Variants in CDC42BPB observed in about 807,000 individuals in gnomAD.
CDC42BPB encodes serine/threonine-protein kinase MRCK beta.
CDC42BPB carries 37 observed loss-of-function variants against 214.9 expected under a neutral mutation model. The ratio of observed to expected loss-of-function variants is 0.17; its 90% CI spans 0.13 to 0.23. The LOEUF is 0.23. Among genes scored for constraint, CDC42BPB ranks in the 10% least tolerant of loss-of-function variants. CDC42BPB has a pLI of 1.00. For synonymous variants in CDC42BPB, 931 were observed against 884.0 expected, an observed-to-expected ratio of 1.05 and a Z score of -0.94; for missense variants, 1,694 against 2,227.0, an observed-to-expected ratio of 0.76 and a Z score of 4.82.
At chr14:102,951,205 A>G (rs1892475307) in intron 24 of CDC42BPB, among the ~76,000 whole-genome samples, 1 of 152,198 alleles carries the variant, frequency 6.6e-6, no homozygotes. Context: ...ACGGCAATTC[A>G]GGCCAGCGGT....
At chr14:102,995,509 C>T (rs1402174188) in intron 5 of CDC42BPB, among the ~76,000 whole-genome samples, 1 of 152,216 alleles carries the variant, frequency 6.6e-6, no homozygotes, top group Non-Finnish European at 1.5e-5. Flanking sequence ...CATTCATGAT[C>T]TCTGCCTTTC....
At chr14:102,958,393 T>G (rs1473547729) in intron 21 of CDC42BPB, among the ~76,000 whole-genome samples, 1 of 152,118 alleles carries the variant, frequency 6.6e-6, no homozygotes, top group Non-Finnish European at 1.5e-5. Flanking sequence ...CATGTACACA[T>G]GCACCCTATT....
At position 103,001,459 on chromosome 14, in the gene CDC42BPB, G is replaced by A. The variant is rs1477602030; in HGVS notation, c.448-1746C>T. Among the ~76,000 whole-genome samples the A allele has an allele frequency of 6.6e-6, 1 of 152,200 alleles. No individual in the cohort carries two copies. The highest frequency in any genetic ancestry group is 1.5e-5 in the Non-Finnish European group (1 of 68,036). Reference sequence around the variant, plus strand: ...AAGCAGAGGCCTGAGGGGAGCCGCGGTCGTGCTCCAGATGAAGGGGTGCGT... The same window carrying A: ...AAGCAGAGGCCTGAGGGGAGCCGCGATCGTGCTCCAGATGAAGGGGTGCGT... On this transcript the variant is annotated intron_variant, in intron 4 of 36. Transcript: ENST00000361246. This position sits in a 1 kb window ranked among gnomAD's most constrained non-coding sequence, Gnocchi z 5.8.
At chr14:102,995,200 G>A (rs975898295) in intron 5 of CDC42BPB, among the ~76,000 whole-genome samples, 15 of 150,112 alleles carry the variant, frequency 1.0e-4, no homozygotes, top group African/African-American at 3.4e-4. Flanking sequence ...TTGAGACAGA[G>A]TATCGCTCTT....
intron 1 of CDC42BPB, among the ~76,000 whole-genome samples, chr14:103,051,421 C>T (rs1270773791): frequency 6.9e-6 from 1 of 145,538 alleles, no homozygotes; most frequent in East Asian, 2.0e-4. Context: ...TTAGTCTCTT[C>T]CAGCTAAAAA....
chr14:102,983,413 T>C (rs1375358982), intron 7 of CDC42BPB, 143 bp downstream of exon 7: 1 of 1,263,922 alleles, frequency 7.9e-7, no homozygotes. Flanking sequence ...CCAATCTGCC[T>C]GTCCCCAGTT....
chr14:103,018,127 C>A (rs1338714410), intron 1 of CDC42BPB, among the ~76,000 whole-genome samples: 1 of 152,192 alleles, frequency 6.6e-6, no homozygotes, highest in Non-Finnish European at 1.5e-5. Flanking sequence ...ACACAGTTCA[C>A]AATAGGGTTC....
In CDC42BPB at chr14:102,970,179, T is replaced by C. The variant is rs1381459338; in HGVS notation, c.1967A>G (p.Gln656Arg). 1 of 1,613,852 alleles carries C rather than the reference T, an allele frequency of 6.2e-7. No homozygotes were observed. The highest frequency in any genetic ancestry group is 1.1e-5 in the South Asian group (1 of 91,002). ...GAGGGCCTCCAGCTCGCTTTCCATTTGCTTGCAGAAGTTCTCGCTGTGCTC... is the reference window on the plus strand; with the variant it reads ...GAGGGCCTCCAGCTCGCTTTCCATTCGCTTGCAGAAGTTCTCGCTGTGCTC... ...LREHSENFCK[Q>R]MESELEALKV... Residue 656 changes from glutamine to arginine, a missense_variant, in exon 14 of 37, where the codon CAA (glutamine) becomes CGA (arginine). Physicochemically the swap from Gln to Arg is conservative, Grantham distance 43. Coordinates refer to ENST00000361246, the MANE Select transcript of CDC42BPB (RefSeq NM_006035.4).
chr14:103,042,337 T>A (rs1461359340), intron 1 of CDC42BPB, among the ~76,000 whole-genome samples: 1 of 150,692 alleles, frequency 6.6e-6, no homozygotes, highest in Non-Finnish European at 1.5e-5. Flanking sequence ...TGAGACGGAG[T>A]CTCACTCTGT....
intron 21 of CDC42BPB, 53 bp from the exon 22 acceptor site, chr14:102,954,741 C>T: frequency 6.4e-7 from 1 of 1,567,338 alleles, no homozygotes; most frequent in South Asian, 1.1e-5. Context: ...TCTACATGAT[C>T]CAGACTCTAC....
rs1892441451 is a variant in CDC42BPB, at chr14:102,950,547, T to C, written c.3228A>G (p.Pro1076=). The change falls in exon 25 of 37, where the codon CCA becomes CCG. Residue 1076 remains proline (P), a synonymous_variant. Coordinates refer to ENST00000361246, the MANE Select transcript of CDC42BPB (RefSeq NM_006035.4). ...SCKDGAPQVC[P]IPPEQSKRPL... ...GCCTCTTGGACTGCTCGGGAGGTAT[T>C]GGGCACACCTGGGGGGCACCGTCTT... is the stretch of plus-strand genomic sequence containing the variant. The C allele has an allele frequency of 6.2e-7, 1 of 1,611,462 alleles. No homozygotes were observed. Among genetic ancestry groups the C allele is most frequent in the Non-Finnish European group, 8.5e-7 (1 of 1,179,028 alleles).
chr14:102,968,888 G>A (rs1434623893), intron 14 of CDC42BPB, 172 bp from the exon 15 acceptor site: 6 of 985,354 alleles, frequency 6.1e-6, no homozygotes, highest in East Asian at 1.1e-4. Context: ...GGTTCTAGGG[G>A]GTCACAGCAG....
intron 1 of CDC42BPB, among the ~76,000 whole-genome samples, chr14:103,056,144 A>C (rs1160866674): frequency 6.6e-6 from 1 of 152,242 alleles, no homozygotes; most frequent in East Asian, 1.9e-4. Context: ...TTAGCTGACC[A>C]ATGATTAAAA....
chr14:103,018,082 T>G (rs752809303), intron 1 of CDC42BPB, among the ~76,000 whole-genome samples: 17 of 152,198 alleles, frequency 1.1e-4, no homozygotes, highest in Non-Finnish European at 2.4e-4. Context: ...GGCACTGGAC[T>G]CTCATAAGCA....
At position 102,937,973 on chromosome 14, in the gene CDC42BPB, C is replaced by T. The variant is rs28521098; in HGVS notation, c.5004+131G>A. 7.2e-3 allele frequency: 6,906 copies of T among 953,190 alleles called. 302 individuals carry two copies. The African/African-American group carries it at 0.097, about 13-fold the overall frequency. The allele number at this position is 953,190 out of a possible 1,614,324, so 59.0% of individuals were successfully genotyped here. On this transcript the variant is annotated intron_variant, in intron 36 of 36. Coordinates refer to ENST00000361246, the MANE Select transcript of CDC42BPB (RefSeq NM_006035.4). Reference sequence around the variant, plus strand: ...GGACAGCCACCCCGACCCCTGCCCCCGTCACCCTCACACCGCAAGTGGGGT... The same window carrying T: ...GGACAGCCACCCCGACCCCTGCCCCTGTCACCCTCACACCGCAAGTGGGGT...
chr14:102,937,978 C>A (rs892937920), intron 36 of CDC42BPB, 126 bp downstream of exon 36: 16 of 994,128 alleles, frequency 1.6e-5, no homozygotes, highest in Non-Finnish European at 2.2e-5. Context: ...GCCCCCGTCA[C>A]CCTCACACCG....
intron 26 of CDC42BPB, among the ~76,000 whole-genome samples, chr14:102,949,355 C>T (rs1280773195): frequency 1.3e-5 from 2 of 152,122 alleles, no homozygotes; most frequent in Non-Finnish European, 1.5e-5. Context: ...ACATGGCCCA[C>T]GGCTCCAGAC....
rs1261983545 is a variant in CDC42BPB at position 102,952,582 on chromosome 14, T to G, written c.3088A>C (p.Ile1030Leu). 6.2e-7 allele frequency: 1 copy of G among 1,613,860 alleles called. No individual in the cohort carries two copies. The highest frequency in any genetic ancestry group is 8.5e-7 in the Non-Finnish European group (1 of 1,179,916). Residue 1030 changes from isoleucine (I) to leucine (L), a missense_variant, in exon 24 of 37, where the codon ATC becomes CTC. By Grantham distance (5) the Ile-to-Leu change is conservative. Around this residue, in one of 7 missense-constraint regions of CDC42BPB, gnomAD observed 567 missense variants for 790.3 expected, o/e 0.72. Coordinates refer to ENST00000361246, the MANE Select transcript of CDC42BPB (RefSeq NM_006035.4). Reference sequence around the variant, plus strand: ...TGAGTAGGGCTGGAGAAGGACTTGATGCTGAACTGGTGAGCTTTTGGCTGG... The same window carrying G: ...TGAGTAGGGCTGGAGAAGGACTTGAGGCTGAACTGGTGAGCTTTTGGCTGG... ...GPKPKAHQFSIKSFSSPTQCS... is the reference protein window; with the variant it reads ...GPKPKAHQFSLKSFSSPTQCS...
chr14:103,020,656 T>C (rs1886720345), intron 1 of CDC42BPB, among the ~76,000 whole-genome samples: 1 of 152,114 alleles, frequency 6.6e-6, no homozygotes, highest in African/African-American at 2.4e-5. Flanking sequence ...ACGGGGCACA[T>C]GCTGAACCCC....
Sources: gnomAD v4.1 joint callset for allele counts (sites outside exome capture counted in the v4.1 genomes callset) on GRCh38, gnomAD v4.1.1 for gene constraint, gnomAD v4.1.1 regional missense constraint, Gnocchi (gnomAD v3.1) non-coding constraint, MANE v1.5 for transcripts, NCBI Gene and HGNC (gene_info 2026-07-23, HGNC 2026-07-21) for gene names.